The following FYN variants were observed in gnomAD, a reference collection of about 807,000 sequenced individuals.
FYN encodes the protein tyrosine-protein kinase Fyn.
Under a neutral mutation model 70.2 loss-of-function variants are expected in FYN, and 10 were observed. The observed-to-expected ratio is 0.14, with a 90% confidence interval of 0.09 to 0.24. FYN has a LOEUF of 0.24. Ranked by LOEUF, FYN falls within the 10% of genes least tolerant of loss-of-function variation. The pLI, the probability that FYN is intolerant of heterozygous loss-of-function variation, is 1.00. For synonymous variants in FYN, 236 were observed against 248.6 expected (o/e 0.95, Z 0.48); for missense variants, 319 against 673.1 (o/e 0.47, Z 5.82).
At chr6:111,765,293 G>A (rs777145498) in intron 3 of FYN, among the ~76,000 whole-genome samples, 4 of 152,160 alleles carry the variant, frequency 2.6e-5, no homozygotes, top group Non-Finnish European at 5.9e-5. Flanking sequence ...GGCCTTAAAG[G>A]AGGTTGATGA....
intron 3 of FYN, among the ~76,000 whole-genome samples, chr6:111,773,588 G>A (rs1014485717): frequency 1.6e-5 from 1 of 62,648 alleles, no homozygotes; most frequent in Non-Finnish European, 3.1e-5. Context: ...GAGGGGGAGG[G>A]AAAGGGAAAG....
chr6:111,673,255 G>A lies in FYN; in HGVS notation c.1405+1244C>T, dbSNP rs9481182. On this transcript the variant is annotated intron_variant, in intron 13 of 13. Coordinates refer to ENST00000354650, the MANE Select transcript of FYN (RefSeq NM_002037.5). ...TCTTCTGTGCTGGTTGGCGATTCCCGGAGTGTCTGCCCGTGTGTGCATGCC... is the reference window on the plus strand; with the variant it reads ...TCTTCTGTGCTGGTTGGCGATTCCCAGAGTGTCTGCCCGTGTGTGCATGCC... 4.0e-3 allele frequency among the ~76,000 whole-genome samples: 611 copies of A among 152,186 alleles called. 2 individuals are homozygous for A. Among genetic ancestry groups the A allele is most frequent in the African/African-American group, 0.014 (566 of 41,490 alleles).
chr6:111,674,478 T>G (rs758911070), intron 13 of FYN, 21 bp downstream of exon 13: 3 of 1,597,704 alleles, frequency 1.9e-6, no homozygotes, highest in Non-Finnish European at 1.7e-6. Flanking sequence ...CAGGCCCATG[T>G]CTGTGAGGCC....
At chr6:111,668,872 G>A (rs537188902) in intron 13 of FYN, among the ~76,000 whole-genome samples, 206 of 152,260 alleles carry the variant, frequency 1.4e-3, no homozygotes, top group African/African-American at 4.7e-3. Context: ...TCTCCTCCTG[G>A]TTGGAGAGTC....
At chr6:111,662,664 C>A (rs1410953956) in intron 13 of FYN, among the ~76,000 whole-genome samples, 1 of 152,088 alleles carries the variant, frequency 6.6e-6, no homozygotes, top group Non-Finnish European at 1.5e-5. Context: ...AGCATGCTGC[C>A]CCTTGTTTAT....
At chr6:111,672,036 C>T (rs1020321297) in intron 13 of FYN, among the ~76,000 whole-genome samples, 1 of 152,180 alleles carries the variant, frequency 6.6e-6, no homozygotes, top group Non-Finnish European at 1.5e-5. Flanking sequence ...CACGACACCC[C>T]CAATGAGGAC....
intron 6 of FYN, 49 bp downstream of exon 6, chr6:111,707,873 A>C (rs1011220496): frequency 1.2e-5 from 17 of 1,407,736 alleles, no homozygotes; most frequent in East Asian, 4.6e-5. Flanking sequence ...TTATTGCGGC[A>C]ATCAACTTTT....
At chr6:111,863,268 C>A (rs527550596) in intron 1 of FYN, among the ~76,000 whole-genome samples, 10 of 152,158 alleles carry the variant, frequency 6.6e-5, no homozygotes, top group Admixed American at 3.9e-4. Flanking sequence ...CAGAAATCAG[C>A]GCTTCTTAAA....
chr6:111,869,775 C>G lies in FYN; in HGVS notation c.-123+3193G>C, dbSNP rs930483034. On this transcript the variant is annotated intron_variant, in intron 1 of 13. Coordinates refer to ENST00000354650, the MANE Select transcript of FYN (RefSeq NM_002037.5). ...ATGAAAAATGAAGCCAAGAAAGGTG[C>G]TTTTGGAGTAAAAGAACCACATCAA... Among the ~76,000 whole-genome samples the G allele has an allele frequency of 9.9e-5, 15 of 152,278 alleles. 1 individual carries two copies. Among genetic ancestry groups the G allele is most frequent in the Admixed American group, 9.8e-4 (15 of 15,298 alleles).
chr6:111,825,794 G>A (rs542257265), intron 2 of FYN, among the ~76,000 whole-genome samples: 108 of 152,250 alleles, frequency 7.1e-4, no homozygotes, highest in African/African-American at 2.4e-3. Flanking sequence ...GGGCTGTAAC[G>A]TGTGAGGAAA....
chr6:111,715,761 C>T (rs1299181680), intron 4 of FYN, among the ~76,000 whole-genome samples: 2 of 152,196 alleles, frequency 1.3e-5, no homozygotes, highest in Non-Finnish European at 2.9e-5. Flanking sequence ...ACCTTGATTA[C>T]AGCCTGTGAG....
At chr6:111,835,185 A>G (rs1011396797) in intron 2 of FYN, among the ~76,000 whole-genome samples, 5 of 152,228 alleles carry the variant, frequency 3.3e-5, no homozygotes, top group Non-Finnish European at 7.3e-5. Context: ...ATTTTTCTCA[A>G]CTATTTAGTA....
intron 10 of FYN, among the ~76,000 whole-genome samples, chr6:111,695,130 A>G (rs1383960498): frequency 6.6e-6 from 1 of 152,178 alleles, no homozygotes; most frequent in African/African-American, 2.4e-5. Context: ...CAATAACACA[A>G]GGGAACTTGT....
At chr6:111,684,342 T>G (rs1798902152) in intron 12 of FYN, among the ~76,000 whole-genome samples, 1 of 151,544 alleles carries the variant, frequency 6.6e-6, no homozygotes, top group African/African-American at 2.4e-5. Context: ...CTGAGAGGGG[T>G]GAGGAAAGTT....
At chr6:111,869,687 T>G (rs930949480) in intron 1 of FYN, among the ~76,000 whole-genome samples, 1 of 152,162 alleles carries the variant, frequency 6.6e-6, no homozygotes, top group Non-Finnish European at 1.5e-5. Context: ...AGCTGCAACA[T>G]CCAGAAGGAG....
intron 2 of FYN, among the ~76,000 whole-genome samples, chr6:111,844,444 T>G (rs528395262): frequency 6.6e-6 from 1 of 152,212 alleles, no homozygotes; most frequent in Non-Finnish European, 1.5e-5. Context: ...AAAAGAAAAG[T>G]TGATAGATCC....
chr6:111,816,188 T>C (rs1239948483), intron 2 of FYN, among the ~76,000 whole-genome samples: 1 of 152,186 alleles, frequency 6.6e-6, no homozygotes, highest in African/African-American at 2.4e-5. Context: ...TTTTCAAAAA[T>C]ATGGCATCTA....
intron 3 of FYN, among the ~76,000 whole-genome samples, chr6:111,750,417 G>T (rs538159784): frequency 6.6e-6 from 1 of 152,010 alleles, no homozygotes; most frequent in Non-Finnish European, 1.5e-5. Flanking sequence ...GGAAGCTTCC[G>T]GAGGCCTCCC....
At chr6:111,733,670 T>G (rs774136359) in intron 3 of FYN, among the ~76,000 whole-genome samples, 1 of 152,226 alleles carries the variant, frequency 6.6e-6, no homozygotes, top group Non-Finnish European at 1.5e-5. Context: ...CGTGTCACTC[T>G]GAAGTTCTGG....
Sources: gnomAD v4.1 joint callset for allele counts (sites outside exome capture counted in the v4.1 genomes callset) on GRCh38, gnomAD v4.1.1 for gene constraint, MANE v1.5 for transcripts, NCBI Gene and HGNC (gene_info 2026-07-23, HGNC 2026-07-21) for gene names.